UBE3B: variants seen among roughly 807,000 people sequenced by gnomAD.
UBE3B encodes ubiquitin protein ligase E3B.
A neutral mutation model predicts 132.3 loss-of-function variants in UBE3B; 80 were observed. That is an observed-to-expected ratio of 0.60 (90% confidence interval 0.50 to 0.73). The LOEUF is 0.73. UBE3B is among the 30% of genes least tolerant of loss of function. The probability of loss-of-function intolerance (pLI) is 0.00; values close to 1 mark genes in which losing one functional copy is unlikely to be tolerated. For missense variants in UBE3B, 1,196 were observed against 1,362.5 expected, an observed-to-expected ratio of 0.88 and a Z score of 1.92; for synonymous variants, 487 against 520.4, an observed-to-expected ratio of 0.94 and a Z score of 0.87.
Position 109,516,864 on chromosome 12 carries a change from C to T in UBE3B, c.2056C>T (p.Arg686Cys), listed in dbSNP as rs761753347. 3.1e-6 allele frequency: 5 copies of T among 1,613,896 alleles called. No homozygotes were observed. The highest frequency in any genetic ancestry group is 1.3e-5 in the African/African-American group (1 of 74,874). The change falls in exon 19 of 28, where the codon CGC becomes TGC. Residue 686 changes from arginine to cysteine, a missense_variant. Physicochemically the swap from Arg to Cys is radical, Grantham distance 180. Coordinates refer to ENST00000342494, the MANE Select transcript of UBE3B (RefSeq NM_130466.4). Reference sequence around the variant, plus strand: ...CCCGCATGTCACTCACATCACCATCCGCCGGTCCAGGATGCTGGAGGTGAG... The same window carrying T: ...CCCGCATGTCACTCACATCACCATCTGCCGGTCCAGGATGCTGGAGGTGAG... ...ASPHVTHITI[R>C]RSRMLEDGYE...
In UBE3B at chr12:109,534,193, A is replaced by G. The variant is rs1001855183; in HGVS notation, c.3016-398A>G. 36 of 1,234,342 alleles carry G rather than the reference A, an allele frequency of 2.9e-5. No individual in the cohort carries two copies. Among genetic ancestry groups the G allele is most frequent in the East Asian group, 2.1e-4 (4 of 18,960 alleles). The allele number at this position is 1,234,342 out of a possible 1,614,324, so 76.5% of individuals were successfully genotyped here. A position where few individuals can be genotyped will look rare whatever the true frequency, so the allele number is the denominator to read the frequency against. The stretch of plus-strand genomic sequence containing the variant: ...TCCTCGGCCTCCATGCTTAAGGGAA[A>G]GTTGGCCCAAGTCATGGTCTGCCAC... On this transcript the variant is annotated intron_variant, in intron 27 of 27. Transcript: ENST00000342494. The surrounding 1 kb of genome is among the most constrained non-coding windows in gnomAD (Gnocchi z 5.2).
At chr12:109,533,840 C>T (rs1360010500) in intron 27 of UBE3B, 24 of 1,102,310 alleles carry the variant, frequency 2.2e-5, no homozygotes, top group African/African-American at 6.3e-5. Context: ...TTTTTAGTGG[C>T]GTCTGGCCTC....
intron 19 of UBE3B, chr12:109,519,489 T>C (rs994029633): frequency 6.6e-6 from 1 of 152,228 alleles, no homozygotes; most frequent in Admixed American, 6.5e-5. Flanking sequence ...AGCTAGGCCA[T>C]GTGCCACTTG....
At chr12:109,517,311 A>G (rs1378897621) in intron 19 of UBE3B, among the ~76,000 whole-genome samples, 1 of 152,168 alleles carries the variant, frequency 6.6e-6, no homozygotes, top group Non-Finnish European at 1.5e-5. Flanking sequence ...TTACTGAGTT[A>G]TGTAGAGAAA....
At chr12:109,491,390 A>G in intron 9 of UBE3B, 1 of 341,476 alleles carries the variant, frequency 2.9e-6, no homozygotes, top group Non-Finnish European at 5.3e-6. Context: ...AATTTCTTTT[A>G]TCTAAAAGAG....
intron 14 of UBE3B, 68 bp downstream of exon 14, chr12:109,503,258 G>T: frequency 6.4e-7 from 1 of 1,563,474 alleles, no homozygotes; most frequent in South Asian, 1.2e-5. Flanking sequence ...AGCAAAAGTC[G>T]ATGTTTTTTT....
chr12:109,545,000 C>A, the UBE3B span, among the ~76,000 whole-genome samples: 1 of 152,204 alleles, frequency 6.6e-6, no homozygotes, highest in Middle Eastern at 3.2e-3. Flanking sequence ...CCCAGGGACT[C>A]AAAGCCAGGA....
At chr12:109,525,385 G>A (rs569376631) in intron 23 of UBE3B, among the ~76,000 whole-genome samples, 15 of 152,318 alleles carry the variant, frequency 9.8e-5, no homozygotes, top group Admixed American at 7.8e-4. Flanking sequence ...TCGCAGGATC[G>A]TTCTCTACAG....
intron 24 of UBE3B, chr12:109,528,412 T>C (rs1362562188): frequency 2.0e-5 from 20 of 985,186 alleles, no homozygotes; most frequent in African/African-American, 5.2e-5. Flanking sequence ...TGTATTAATA[T>C]ACAGGTTTGC....
intron 24 of UBE3B, chr12:109,528,214 A>G (rs1882563096): frequency 4.0e-6 from 2 of 502,632 alleles, no homozygotes; most frequent in Non-Finnish European, 5.1e-6. Context: ...TAGGGGTGAT[A>G]CTTGATCTTG....
intron 24 of UBE3B, chr12:109,528,543 A>G (rs998203060): frequency 1.0e-6 from 1 of 972,170 alleles, no homozygotes. Flanking sequence ...GCCGGGCTCA[A>G]GTTCTTTGCT....
chr12:109,513,055 C>T (rs143225792), intron 18 of UBE3B, among the ~76,000 whole-genome samples: 8 of 152,310 alleles, frequency 5.3e-5, no homozygotes, highest in South Asian at 4.1e-4. Context: ...TGGCAGCTCC[C>T]GTTTGCATGT....
chr12:109,485,285 A>G (rs775755821), intron 4 of UBE3B, among the ~76,000 whole-genome samples: 1 of 152,128 alleles, frequency 6.6e-6, no homozygotes, highest in Non-Finnish European at 1.5e-5. Flanking sequence ...CATTGTGCCA[A>G]CCCTCTCTAG....
chr12:109,498,465 CT>C, intron 11 of UBE3B, 112 bp downstream of exon 11: 1 of 1,273,718 alleles, frequency 7.9e-7, no homozygotes, highest in Non-Finnish European at 1.1e-6. Flanking sequence ...ATTGGAAGTG[CT>C]TACAATAAAA....
intron 26 of UBE3B, among the ~76,000 whole-genome samples, chr12:109,532,291 C>T (rs545619892): frequency 1.3e-5 from 2 of 152,332 alleles, no homozygotes; most frequent in South Asian, 4.1e-4. Context: ...GAATGCTCGT[C>T]ACAGTGTGGA....
In UBE3B at chr12:109,510,437, C is replaced by G; in HGVS notation, c.1835C>G (p.Pro612Arg). 6.2e-7 allele frequency: 1 copy of G among 1,612,248 alleles called. No homozygotes were observed. The change falls in exon 17 of 28, where the codon CCC becomes CGC. Residue 612 changes from proline (P) to arginine (R), a missense_variant. Pro to Arg is a moderately radical substitution (Grantham distance 103). Coordinates refer to ENST00000342494, the MANE Select transcript of UBE3B (RefSeq NM_130466.4). ...YERDCRRRFTPEDHWLRKDLK... is the reference protein window; with the variant it reads ...YERDCRRRFTREDHWLRKDLK... ...CGGGACTGCCGGCGGCGCTTCACCCCCGAGGACCACTGGCTGCGAAAGTGA... is the reference window on the plus strand; with the variant it reads ...CGGGACTGCCGGCGGCGCTTCACCCGCGAGGACCACTGGCTGCGAAAGTGA...
At position 109,530,617 on chromosome 12, in the gene UBE3B, G is replaced by A; in HGVS notation, c.2881G>A (p.Ala961Thr). The A allele has an allele frequency of 1.2e-6, 2 of 1,614,192 alleles. No individual in the cohort carries two copies. Among genetic ancestry groups the A allele is most frequent in the South Asian group, 1.1e-5 (1 of 91,074 alleles). Residue 961 changes from alanine (A) to threonine (T), a missense_variant, in exon 26 of 28, where the codon GCC (alanine) becomes ACC (threonine). Ala to Thr is a moderately conservative substitution (Grantham distance 58). Coordinates refer to ENST00000342494, the MANE Select transcript of UBE3B (RefSeq NM_130466.4). ...RVIIWLWDIL[A>T]SDFTPDERAM... Reference sequence around the variant, plus strand: ...CATCATCTGGCTCTGGGATATTCTGGCCTCCGACTTCACACCGGATGAGAG... The same window carrying A: ...CATCATCTGGCTCTGGGATATTCTGACCTCCGACTTCACACCGGATGAGAG...
chr12:109,500,417 C>T (rs979012325), intron 12 of UBE3B, among the ~76,000 whole-genome samples: 6 of 152,304 alleles, frequency 3.9e-5, no homozygotes, highest in South Asian at 2.1e-4. Flanking sequence ...CATATCTGCT[C>T]GAGGCATGGG....
At chr12:109,524,228 C>A in intron 22 of UBE3B, 113 bp downstream of exon 22, 1 of 1,477,060 alleles carries the variant, frequency 6.8e-7, no homozygotes, top group Non-Finnish European at 9.2e-7. Flanking sequence ...GTAGCTGCTA[C>A]AGGCCCCTCA....
Sources: allele counts gnomAD v4.1 joint callset (sites outside exome capture counted in the v4.1 genomes callset), GRCh38; gene constraint gnomAD v4.1.1; non-coding constraint Gnocchi (gnomAD v3.1); transcripts MANE v1.5; gene names NCBI Gene and HGNC (gene_info 2026-07-23, HGNC 2026-07-21).